STRAP: variants seen among roughly 807,000 people sequenced by gnomAD.
STRAP encodes the protein serine-threonine kinase receptor-associated protein.
A neutral mutation model predicts 47.0 loss-of-function variants in STRAP; 16 were observed. That is an observed-to-expected ratio of 0.34 (90% confidence interval 0.23 to 0.52). The LOEUF (loss-of-function observed/expected upper bound fraction) is 0.52, where lower values mean the gene tolerates loss of function less well. STRAP is among the 20% of genes least tolerant of loss of function. The pLI is 0.96. For synonymous variants in STRAP, 130 were observed against 142.7 expected, an observed-to-expected ratio of 0.91 and a Z score of 0.63; for missense variants, 293 against 420.0, an observed-to-expected ratio of 0.70 and a Z score of 2.64.
intron 8 of STRAP, among the ~76,000 whole-genome samples, chr12:15,900,318 T>G (rs1948093061): frequency 6.6e-6 from 1 of 151,590 alleles, no homozygotes; most frequent in Admixed American, 6.6e-5. Context: ...GATCACAGGG[T>G]CAGGAGTTCG....
In STRAP at chr12:15,896,393, A is replaced by C. The variant is rs1434874299; in HGVS notation, c.638+897A>C. 1.3e-5 allele frequency among the ~76,000 whole-genome samples: 2 copies of C among 152,226 alleles called. No individual in the cohort carries two copies. The highest frequency in any genetic ancestry group is 4.8e-5 in the African/African-American group (2 of 41,464). On this transcript the variant is annotated intron_variant, in intron 6 of 9. Coordinates refer to ENST00000419869, the MANE Select transcript of STRAP (RefSeq NM_007178.4). The surrounding 1 kb of genome is among the most constrained non-coding windows in gnomAD (Gnocchi z 4.1). The stretch of plus-strand genomic sequence containing the variant: ...GAATTTTGCGACTTTAAATGTAGTA[A>C]ATACTCTTGGAGAAAGACTGGAATA...
At chr12:15,899,761 T>G (rs1472036061) in intron 7 of STRAP, 143 bp from the exon 8 acceptor site, 3 of 742,040 alleles carry the variant, frequency 4.0e-6, no homozygotes, top group African/African-American at 3.6e-5. Flanking sequence ...ACTTTTGTGA[T>G]GAGAAATTAA....
rs1948058455 is a variant in STRAP, at chr12:15,896,235, A to G, written c.638+739A>G. 1.3e-5 allele frequency among the ~76,000 whole-genome samples: 2 copies of G among 152,154 alleles called. No individual in the cohort carries two copies. The highest frequency in any genetic ancestry group is 4.1e-4 in the South Asian group (2 of 4,830). On this transcript the variant is annotated intron_variant, in intron 6 of 9. Coordinates refer to ENST00000419869, the MANE Select transcript of STRAP (RefSeq NM_007178.4). This position sits in a 1 kb window ranked among gnomAD's most constrained non-coding sequence, Gnocchi z 4.1. ...GGTAACAGAGTGAGACTCTGTCTCA[A>G]AAAAAACAAAAAACAAAAAAACAGT...
Position 15,882,725 on chromosome 12 carries a change from G to T in STRAP, c.18G>T (p.Thr6=), listed in dbSNP as rs768969624. Residue 6 remains threonine (T), a synonymous_variant, in exon 1 of 10, where the codon ACG becomes ACT. Coordinates refer to ENST00000419869, the MANE Select transcript of STRAP (RefSeq NM_007178.4). MAMRQ[T]PLTCSGHTRP... ...CCGCCGCCATGGCAATGAGACAGAC[G>T]CCGCTCACCTGCTCTGGCCACACGC... 13 of 1,609,772 alleles carry T rather than the reference G, an allele frequency of 8.1e-6. No homozygotes were observed. The Middle Eastern group carries it at 9.9e-4, about 123-fold the overall frequency.
chr12:15,897,301 G>A (rs1308235308), intron 6 of STRAP, among the ~76,000 whole-genome samples: 1 of 152,100 alleles, frequency 6.6e-6, no homozygotes, highest in East Asian at 1.9e-4. Flanking sequence ...AGATGAAGCT[G>A]TTATTATGCA....
chr12:15,882,643 C>A lies in STRAP; in HGVS notation c.-65C>A. ...CCTGGAGCAGCCCGAGGCACTGCAG[C>A]AGAAGAGAGAAAAGACAACGACGAC... On this transcript the variant is annotated 5_prime_UTR_variant, in exon 1 of 10. Transcript: ENST00000419869. The A allele has an allele frequency of 1.4e-6, 2 of 1,394,584 alleles. No individual in the cohort carries two copies. Among genetic ancestry groups the A allele is most frequent in the Non-Finnish European group, 2.0e-6 (2 of 1,009,854 alleles). The allele number at this position is 1,394,584 out of a possible 1,614,324, so 86.4% of individuals were successfully genotyped here.
rs376682568 is a variant in STRAP, at chr12:15,885,283, G to A, written c.248+1607G>A. On this transcript the variant is annotated intron_variant, in intron 2 of 9. Coordinates refer to ENST00000419869, the MANE Select transcript of STRAP (RefSeq NM_007178.4). ...GGCTCACTGCAACCTCCACCTCCCGGGTTCAAGTGATTCTCCCACCTCAGC... is the reference window on the plus strand; with the variant it reads ...GGCTCACTGCAACCTCCACCTCCCGAGTTCAAGTGATTCTCCCACCTCAGC... 3.6e-3 allele frequency among the ~76,000 whole-genome samples: 534 copies of A among 150,174 alleles called. 5 individuals carry two copies. Among genetic ancestry groups the A allele is most frequent in the African/African-American group, 0.012 (485 of 40,304 alleles).
At position 15,890,787 on chromosome 12, in the gene STRAP, C is replaced by T. The variant is rs113344517; in HGVS notation, c.403+118C>T. The T allele has an allele frequency of 9.3e-5, 77 of 828,916 alleles. 1 individual carries two copies. The African/African-American group carries it at 1.1e-3, about 11-fold the overall frequency. 51.3% of individuals were successfully genotyped at this position (828,916 alleles called of 1,614,324 possible). The stretch of plus-strand genomic sequence containing the variant: ...AAATAAAGATAGTCATGGCCGGGCA[C>T]GGTGGCTCATACCTGTAATCCTAGC... On this transcript the variant is annotated intron_variant, in intron 4 of 9. Coordinates refer to ENST00000419869, the MANE Select transcript of STRAP (RefSeq NM_007178.4). This position sits in a 1 kb window ranked among gnomAD's most constrained non-coding sequence, Gnocchi z 4.5.
chr12:15,898,104 G>T (rs1014054321), intron 7 of STRAP, 86 bp downstream of exon 7: 2 of 1,101,648 alleles, frequency 1.8e-6, no homozygotes, highest in African/African-American at 1.7e-5. Context: ...ATATATATAT[G>T]TTACATATAT....
chr12:15,902,589 C>G lies in STRAP; in HGVS notation c.992-328C>G, dbSNP rs111809707. On this transcript the variant is annotated intron_variant, in intron 9 of 9. Transcript: ENST00000419869. ...GATTTGAATCACTAAAAGAGAGGGC[C>G]AGATCCTTCGAAGACATGACTTTAA... Among the ~76,000 whole-genome samples, 275 of 152,274 alleles carry G rather than the reference C, an allele frequency of 1.8e-3. 1 individual carries two copies. The highest frequency in any genetic ancestry group is 6.2e-3 in the African/African-American group (259 of 41,558).
At position 15,883,635 on chromosome 12, in the gene STRAP, G is replaced by A; in HGVS notation, c.207G>A (p.Lys69=). 2 of 1,614,188 alleles carry A rather than the reference G, an allele frequency of 1.2e-6. No individual in the cohort carries two copies. The highest frequency in any genetic ancestry group is 1.7e-6 in the Non-Finnish European group (2 of 1,180,026). Residue 69 remains lysine, a synonymous_variant, in exon 2 of 10, where the codon AAG becomes AAA. Transcript: ENST00000419869. ...CTGTTTGGGGTGCAACACTGAATAA[G>A]GATGCCACCAAAGCAGCTACAGCAG... ...KGAVWGATLN[K]DATKAATAAA...
rs1948074257 is a variant in STRAP at position 15,898,028 on chromosome 12, C to T, written c.775+10C>T. 4 of 1,596,160 alleles carry T rather than the reference C, an allele frequency of 2.5e-6. No individual in the cohort carries two copies. In the East Asian group the frequency reaches 9.2e-5, roughly 37 times the overall value. ...AGTGGAGAAGAATTAGGTGAGTTGT[C>T]CCCTTACAGTGATGTGGTTACCTTT... On this transcript the variant is annotated intron_variant, in intron 7 of 9. Coordinates refer to ENST00000419869, the MANE Select transcript of STRAP (RefSeq NM_007178.4).
At position 15,890,580 on chromosome 12, in the gene STRAP, T is replaced by C; in HGVS notation, c.331-17T>C. ...TTAAAATGGTTAATCTATTCACATT[T>C]TACTTTGTGTTTTCAGGATAGTAAT... is the stretch of plus-strand genomic sequence containing the variant. On this transcript the variant is annotated splice_polypyrimidine_tract_variant and intron_variant, in intron 3 of 9. Transcript: ENST00000419869. The surrounding 1 kb of genome is among the most constrained non-coding windows in gnomAD (Gnocchi z 4.5). The C allele has an allele frequency of 6.3e-7, 1 of 1,593,876 alleles. No homozygotes were observed. The highest frequency in any genetic ancestry group is 8.6e-7 in the Non-Finnish European group (1 of 1,167,830).
Position 15,896,785 on chromosome 12 carries a change from G to C in STRAP, c.639-1097G>C, listed in dbSNP as rs1948063649. Among the ~76,000 whole-genome samples the C allele has an allele frequency of 6.6e-6, 1 of 152,186 alleles. No homozygotes were observed. Among genetic ancestry groups the C allele is most frequent in the Non-Finnish European group, 1.5e-5 (1 of 68,038 alleles). On this transcript the variant is annotated intron_variant, in intron 6 of 9. Coordinates refer to ENST00000419869, the MANE Select transcript of STRAP (RefSeq NM_007178.4). The surrounding 1 kb of genome is among the most constrained non-coding windows in gnomAD (Gnocchi z 4.1). Reference sequence around the variant, plus strand: ...AGTAGAATTATCAGTTCAAAGGCTAGAAATGAGTTTAAAGTTCTTAGTTAT... The same window carrying C: ...AGTAGAATTATCAGTTCAAAGGCTACAAATGAGTTTAAAGTTCTTAGTTAT...
Position 15,900,027 on chromosome 12 carries a change from A to G in STRAP, c.899A>G (p.Tyr300Cys). 6.2e-7 allele frequency: 1 copy of G among 1,613,358 alleles called. No homozygotes were observed. The highest frequency in any genetic ancestry group is 8.5e-7 in the Non-Finnish European group (1 of 1,179,684). ...TGGCAAACTGTGGTAGGAAAAACGT[A>G]TGGCCTTTGGAAATGTGTGCTTCCT... The part of the protein sequence containing the change: ...RLWQTVVGKT[Y>C]GLWKCVLPEE... The change falls in exon 8 of 10, where the codon TAT becomes TGT. Residue 300 changes from tyrosine to cysteine, a missense_variant. By Grantham distance (194) the Tyr-to-Cys change is radical. This residue lies in a region of STRAP where 26 missense variants were observed against 76.7 expected (regional missense o/e 0.34). Coordinates refer to ENST00000419869, the MANE Select transcript of STRAP (RefSeq NM_007178.4).
chr12:15,882,846 C>G (rs774582692), intron 1 of STRAP, 27 bp downstream of exon 1: 1 of 1,594,442 alleles, frequency 6.3e-7, no homozygotes, highest in African/African-American at 1.3e-5. Flanking sequence ...TCCTGGTCCT[C>G]GACGGCTGGG....
chr12:15,899,741 A>G (rs1213488731), intron 7 of STRAP, among the ~76,000 whole-genome samples, 163 bp from the exon 8 acceptor site: 1 of 152,188 alleles, frequency 6.6e-6, no homozygotes, highest in Non-Finnish European at 1.5e-5. Context: ...GAAAGGGTCA[A>G]TGATATACCA....
intron 4 of STRAP, among the ~76,000 whole-genome samples, chr12:15,893,576 A>G (rs1948035650): frequency 6.8e-6 from 1 of 147,346 alleles, no homozygotes; most frequent in Admixed American, 6.8e-5. Flanking sequence ...ACAATTATAC[A>G]ATAATGCTTT....
chr12:15,886,383 ACC>A (rs1223799918), intron 2 of STRAP, among the ~76,000 whole-genome samples: 1 of 151,978 alleles, frequency 6.6e-6, no homozygotes, highest in Admixed American at 6.6e-5. Flanking sequence ...GATGGGCTTC[ACC>A]ATGTTGTCCA....
Sources: allele counts gnomAD v4.1 joint callset (sites outside exome capture counted in the v4.1 genomes callset), GRCh38; gene constraint gnomAD v4.1.1; regional missense constraint gnomAD v4.1.1; non-coding constraint Gnocchi (gnomAD v3.1); transcripts MANE v1.5; gene names NCBI Gene and HGNC (gene_info 2026-07-23, HGNC 2026-07-21).